The following SVEP1 variants were observed in gnomAD, a reference collection of about 807,000 sequenced individuals.
SVEP1 encodes the protein sushi, von Willebrand factor type A, EGF and pentraxin domain containing 1.
A neutral mutation model predicts 367.3 loss-of-function variants in SVEP1; 164 were observed. The observed-to-expected ratio is 0.45, with a 90% CI of 0.39 to 0.51. The LOEUF (loss-of-function observed/expected upper bound fraction) is 0.51. SVEP1 is among the 20% of genes least tolerant of loss of function. SVEP1 has a pLI of 0.00. For synonymous variants in SVEP1, 1,666 were observed against 1,611.6 expected, an observed-to-expected ratio of 1.03 and a Z score of -0.81; for missense variants, 4,117 against 4,425.3, an observed-to-expected ratio of 0.93 and a Z score of 1.98.
intron 6 of SVEP1, among the ~76,000 whole-genome samples, chr9:110,501,734 A>G (rs531308573): frequency 4.1e-4 from 62 of 152,296 alleles, no homozygotes; most frequent in African/African-American, 1.3e-3. Flanking sequence ...GTTTTAAAAC[A>G]TTTTACTGAA....
At chr9:110,562,721 T>C (rs1014566483) in intron 1 of SVEP1, among the ~76,000 whole-genome samples, 2 of 152,026 alleles carry the variant, frequency 1.3e-5, no homozygotes, top group African/African-American at 4.8e-5. Flanking sequence ...GGAGTTTTGC[T>C]CTTGTTGCCT....
At chr9:110,571,080 G>A (rs1017886194) in intron 1 of SVEP1, among the ~76,000 whole-genome samples, 5 of 149,822 alleles carry the variant, frequency 3.3e-5, no homozygotes, top group Non-Finnish European at 5.9e-5. Context: ...AGGTTCAAGC[G>A]ATTTTCCTGC....
intron 1 of SVEP1, among the ~76,000 whole-genome samples, chr9:110,575,037 G>A (rs936330426): frequency 6.6e-6 from 1 of 152,084 alleles, no homozygotes; most frequent in Non-Finnish European, 1.5e-5. Flanking sequence ...GAGCCACCGC[G>A]CCTGGCCGAG....
At position 110,386,222 on chromosome 9, in the gene SVEP1, C is replaced by T. The variant is rs1827519846; in HGVS notation, c.10061-148G>A. 3.7e-6 allele frequency: 3 copies of T among 802,232 alleles called. No individual in the cohort carries two copies. In the East Asian group the frequency reaches 9.2e-5, roughly 25 times the overall value. The allele number at this position is 802,232 out of a possible 1,614,324, so 49.7% of individuals were successfully genotyped here. On this transcript the variant is annotated intron_variant, in intron 42 of 47. Coordinates refer to ENST00000374469, the MANE Select transcript of SVEP1 (RefSeq NM_153366.4). The stretch of plus-strand genomic sequence containing the variant: ...AATATGGAACTCCAAACATTAGACA[C>T]AGACTTGTTTTGCATCCTCATGAAA...
chr9:110,416,658 G>A (rs1386689189), intron 36 of SVEP1, among the ~76,000 whole-genome samples: 13 of 151,920 alleles, frequency 8.6e-5, no homozygotes, highest in Admixed American at 8.5e-4. Flanking sequence ...GATGTAAGAA[G>A]TACAATGAGT....
Position 110,503,098 on chromosome 9 carries a change from T to C in SVEP1, c.1423A>G (p.Ser475Gly). 6.2e-7 allele frequency: 1 copy of C among 1,611,264 alleles called. No individual in the cohort carries two copies. ...TTTCCTTGACAAGTAAGCTTATCAC[T>C]GCCTTCTAGTCTGTACCCTTCATCA... is the stretch of plus-strand genomic sequence containing the variant. Reference protein sequence around the residue: ...ACDEGYRLEGSDKLTCQGNSQ... With the variant: ...ACDEGYRLEGGDKLTCQGNSQ... Residue 475 changes from serine to glycine, a missense_variant, in exon 6 of 48, where the codon AGT becomes GGT. By Grantham distance (56) the Ser-to-Gly change is moderately conservative. Coordinates refer to ENST00000374469, the MANE Select transcript of SVEP1 (RefSeq NM_153366.4).
chr9:110,455,472 T>G, intron 22 of SVEP1, 118 bp downstream of exon 22: 1 of 719,234 alleles, frequency 1.4e-6, no homozygotes, highest in African/African-American at 1.8e-5. Context: ...ATATGCTTCT[T>G]CAATATGTTT....
At chr9:110,412,106 ACT>A (rs1193511309) in intron 36 of SVEP1, among the ~76,000 whole-genome samples, 2 of 152,174 alleles carry the variant, frequency 1.3e-5, no homozygotes, top group African/African-American at 4.8e-5. Context: ...TACTTAAGGA[ACT>A]CTAATAATTG....
At chr9:110,445,209 C>T (rs1828572448) in intron 26 of SVEP1, among the ~76,000 whole-genome samples, 1 of 152,178 alleles carries the variant, frequency 6.6e-6, no homozygotes, top group South Asian at 2.1e-4. Context: ...ATAATGTGGA[C>T]AGTTGGCCAA....
chr9:110,390,012 AGTGT>A (rs138667082), intron 40 of SVEP1, among the ~76,000 whole-genome samples: 26 of 115,564 alleles, frequency 2.2e-4, no homozygotes, highest in Non-Finnish European at 4.1e-4. Context: ...TATACACATA[AGTGT>A]GTGTGTGTGT....
chr9:110,505,359 T>C (rs1829607833), intron 5 of SVEP1, among the ~76,000 whole-genome samples: 1 of 152,322 alleles, frequency 6.6e-6, no homozygotes, highest in East Asian at 1.9e-4. Flanking sequence ...CAAGGCTCTA[T>C]AGTTATCCCT....
intron 38 of SVEP1, among the ~76,000 whole-genome samples, chr9:110,405,453 ATAC>A (rs1334095782): frequency 2.0e-5 from 3 of 151,728 alleles, no homozygotes; most frequent in Non-Finnish European, 4.4e-5. Flanking sequence ...GTGGACTCAG[ATAC>A]TAGTAGGAAT....
At chr9:110,401,961 A>C (rs556623668) in intron 39 of SVEP1, among the ~76,000 whole-genome samples, 21 of 152,216 alleles carry the variant, frequency 1.4e-4, no homozygotes, top group African/African-American at 5.1e-4. Flanking sequence ...GTAATTTTGT[A>C]TATATGACTG....
At chr9:110,384,264 G>T (rs1377707263) in intron 43 of SVEP1, among the ~76,000 whole-genome samples, 1 of 152,012 alleles carries the variant, frequency 6.6e-6, no homozygotes, top group Non-Finnish European at 1.5e-5. Flanking sequence ...ACCTCCTTTG[G>T]CTGGGGGTGG....
chr9:110,502,026 T>C (rs117357986), intron 6 of SVEP1, among the ~76,000 whole-genome samples: 3,154 of 152,124 alleles, frequency 0.021, 48 homozygotes, highest in South Asian at 0.063. Context: ...GACAATTAAA[T>C]AATAATACCT....
rs758011015 is a variant in SVEP1 at position 110,407,397 on chromosome 9, T to C, written c.8203A>G (p.Met2735Val). The C allele has an allele frequency of 5.0e-6, 8 of 1,614,004 alleles. No individual in the cohort carries two copies. Among genetic ancestry groups the C allele is most frequent in the Admixed American group, 1.7e-5 (1 of 60,022 alleles). ...CAGCTATACTGCACAGCACTTCCCATGCTAGTCTCTGTAAAACGCAAAAAG... is the reference window on the plus strand; with the variant it reads ...CAGCTATACTGCACAGCACTTCCCACGCTAGTCTCTGTAAAACGCAAAAAG... ...NGFLRFTETS[M>V]GSAVQYSCKP... The change falls in exon 38 of 48, where the codon ATG (methionine) becomes GTG (valine). Residue 2735 changes from methionine (M) to valine (V), a missense_variant. By Grantham distance (21) the Met-to-Val change is conservative. Coordinates refer to ENST00000374469, the MANE Select transcript of SVEP1 (RefSeq NM_153366.4).
intron 36 of SVEP1, among the ~76,000 whole-genome samples, chr9:110,416,711 A>T (rs2118522259): frequency 6.6e-6 from 1 of 152,200 alleles, no homozygotes; most frequent in East Asian, 1.9e-4. Context: ...TAGTCATCTC[A>T]TAGCAAAACA....
chr9:110,503,117 T>C lies in SVEP1; in HGVS notation c.1404A>G (p.Glu468=), dbSNP rs780413121. ...TATCACTGCCTTCTAGTCTGTACCC[T>C]TCATCACAGGCAACCAAACATGTTG... ...YKTTCLVACD[E]GYRLEGSDKL... The change falls in exon 6 of 48, where the codon GAA becomes GAG. Residue 468 remains glutamate (E), a synonymous_variant. Coordinates refer to ENST00000374469, the MANE Select transcript of SVEP1 (RefSeq NM_153366.4). 2.5e-6 allele frequency: 4 copies of C among 1,612,564 alleles called. No homozygotes were observed. Among genetic ancestry groups the C allele is most frequent in the East Asian group, 2.2e-5 (1 of 44,888 alleles).
rs1827200538 is a variant in SVEP1 at position 110,366,441 on chromosome 9, C to T, written c.*98G>A. 3.2e-6 allele frequency: 4 copies of T among 1,262,578 alleles called. No homozygotes were observed. The highest frequency in any genetic ancestry group is 4.2e-6 in the Non-Finnish European group (4 of 947,904). 78.2% of individuals were successfully genotyped at this position (1,262,578 alleles called of 1,614,324 possible). A position where few individuals can be genotyped will look rare whatever the true frequency, so the allele number is the denominator to read the frequency against. ...AACAAGTTTACTAAACAAGACCCAG[C>T]ACCATGTTGGACTTTCTTTGCATAA... On this transcript the variant is annotated 3_prime_UTR_variant, in exon 48 of 48. Transcript: ENST00000374469.
Sources: gnomAD v4.1 joint callset for allele counts (sites outside exome capture counted in the v4.1 genomes callset) on GRCh38, gnomAD v4.1.1 for gene constraint, MANE v1.5 for transcripts, NCBI Gene and HGNC (gene_info 2026-07-23, HGNC 2026-07-21) for gene names.